Variants in TNFSF11 observed in about 807,000 individuals in gnomAD.
TNFSF11 encodes TNF superfamily member 11, also known as tumor necrosis factor ligand superfamily member 11.
TNFSF11 carries 12 observed loss-of-function variants against 32.2 expected under a neutral mutation model. The observed-to-expected ratio is 0.37, with a 90% CI of 0.24 to 0.60. The LOEUF is 0.60. Among genes scored for constraint, TNFSF11 ranks in the 20% least tolerant of loss-of-function variants. The probability of loss-of-function intolerance (pLI) is 0.66; values close to 1 mark genes in which losing one functional copy is unlikely to be tolerated. For missense variants in TNFSF11, 345 were observed against 398.0 expected (o/e 0.87, Z 1.13); for synonymous variants, 172 against 152.1 (o/e 1.13, Z -0.96).
At chr13:42,573,309 G>A (rs962030090), upstream of TNFSF11, among the ~76,000 whole-genome samples, 1 of 152,156 alleles carries the variant, frequency 6.6e-6, no homozygotes, top group African/African-American at 2.4e-5. Context: ...ACTTCCTTCT[G>A]AAGAAGTATC....
upstream of TNFSF11, among the ~76,000 whole-genome samples, chr13:42,569,708 A>T (rs1359410482): frequency 6.6e-6 from 1 of 152,176 alleles, no homozygotes; most frequent in Non-Finnish European, 1.5e-5. Context: ...CTTCTAGAAG[A>T]TGGATCCTCT....
intron 2 of TNFSF11, among the ~76,000 whole-genome samples, chr13:42,593,254 A>C (rs988645151): frequency 6.6e-6 from 1 of 152,218 alleles, no homozygotes; most frequent in Non-Finnish European, 1.5e-5. Context: ...ATGAAGACGA[A>C]TTGCATATTT....
chr13:42,566,972 A>G (rs1156480686), intron 2 of TNFSF11, among the ~76,000 whole-genome samples: 2 of 150,298 alleles, frequency 1.3e-5, no homozygotes, highest in Non-Finnish European at 2.9e-5. Flanking sequence ...AGCCTTGGTG[A>G]CAGAGAAGGA....
Position 42,574,440 on chromosome 13 carries a change from G to A in TNFSF11, c.137G>A (p.Arg46His). Residue 46 changes from arginine (R) to histidine (H), a missense_variant, in exon 1 of 5, where the codon CGC becomes CAC. Arg to His is a conservative substitution (Grantham distance 29). Around this residue, in one of 2 missense-constraint regions of TNFSF11, gnomAD observed 197 missense variants for 182.0 expected, o/e 1.08. Coordinates refer to ENST00000398795, the MANE Select transcript of TNFSF11 (RefSeq NM_003701.4). ...PAPHQPPAAS[R>H]SMFVALLGLG... ...CCGCACCAGCCCCCTGCCGCCTCCC[G>A]CTCCATGTTCGTGGCCCTCCTGGGG... 6.2e-7 allele frequency: 1 copy of A among 1,606,126 alleles called. No individual in the cohort carries two copies. Among genetic ancestry groups the A allele is most frequent in the Non-Finnish European group, 8.5e-7 (1 of 1,178,996 alleles).
intron 2 of TNFSF11, among the ~76,000 whole-genome samples, chr13:42,596,854 G>A (rs569399680): frequency 6.6e-6 from 1 of 152,286 alleles, no homozygotes; most frequent in South Asian, 2.1e-4. Context: ...TATCATCTGG[G>A]AGCATCTTTA....
intron 2 of TNFSF11, among the ~76,000 whole-genome samples, chr13:42,594,598 T>G (rs1311415471): frequency 1.3e-5 from 2 of 152,256 alleles, no homozygotes; most frequent in African/African-American, 4.8e-5. Flanking sequence ...TTGAAAATAC[T>G]CCTAAGTGTT....
Position 42,574,521 on chromosome 13 carries a change from A to T in TNFSF11, c.218A>T (p.Gln73Leu). 6.2e-7 allele frequency: 1 copy of T among 1,607,136 alleles called. No homozygotes were observed. Among genetic ancestry groups the T allele is most frequent in the Non-Finnish European group, 8.5e-7 (1 of 1,179,698 alleles). The change falls in exon 1 of 5, where the codon CAG becomes CTG. Residue 73 changes from glutamine to leucine, a missense_variant and splice_region_variant. Coordinates refer to ENST00000398795, the MANE Select transcript of TNFSF11 (RefSeq NM_003701.4). The part of the protein sequence containing the change: ...SVALFFYFRA[Q>L]MDPNRISEDG... ...GCCCTGTTCTTCTATTTCAGAGCGC[A>T]GGTGAGTGGCCACCTTCCCAGGGGA...
intron 1 of TNFSF11, among the ~76,000 whole-genome samples, chr13:42,578,559 T>G (rs1315680880): frequency 6.6e-6 from 1 of 152,274 alleles, no homozygotes; most frequent in East Asian, 1.9e-4. Flanking sequence ...AATTATTCCA[T>G]GCATTCTTGA....
At chr13:42,572,053 G>T (rs1873088219), upstream of TNFSF11, among the ~76,000 whole-genome samples, 1 of 152,154 alleles carries the variant, frequency 6.6e-6, no homozygotes, top group Non-Finnish European at 1.5e-5. Flanking sequence ...TAAATACATA[G>T]GCAAGAAAGA....
intron 2 of TNFSF11, among the ~76,000 whole-genome samples, chr13:42,586,956 G>A (rs1266123879): frequency 1.3e-5 from 2 of 152,170 alleles, no homozygotes; most frequent in African/African-American, 4.8e-5. Context: ...CCAAAGATTT[G>A]TAGCACTTTG....
chr13:42,606,796 G>A lies in TNFSF11; in HGVS notation c.832G>A (p.Gly278Ser). Reference protein sequence around the residue: ...SEFHFYSINVGGFFKLRSGEE... With the variant: ...SEFHFYSINVSGFFKLRSGEE... ...ATTCCATTTTTATTCCATAAACGTT[G>A]GTGGATTTTTTAAGTTACGGTCTGG... Residue 278 changes from glycine to serine, a missense_variant, in exon 5 of 5, where the codon GGT (glycine) becomes AGT (serine). Gly to Ser is a moderately conservative substitution (Grantham distance 56). Transcript: ENST00000398795. 6.2e-7 allele frequency: 1 copy of A among 1,613,476 alleles called. No individual in the cohort carries two copies. Among genetic ancestry groups the A allele is most frequent in the East Asian group, 2.2e-5 (1 of 44,884 alleles).
intron 1 of TNFSF11, among the ~76,000 whole-genome samples, chr13:42,580,355 T>C (rs1057187445): frequency 7.2e-5 from 11 of 152,228 alleles, no homozygotes; most frequent in Non-Finnish European, 1.3e-4. Context: ...ATGGGTATAT[T>C]TTGGGTGGGA....
chr13:42,604,239 A>C (rs569083480), intron 4 of TNFSF11, among the ~76,000 whole-genome samples: 11 of 152,194 alleles, frequency 7.2e-5, no homozygotes, highest in Non-Finnish European at 1.6e-4. Flanking sequence ...AAACATCTTG[A>C]ATTTCATGGA....
intron 1 of TNFSF11, among the ~76,000 whole-genome samples, chr13:42,564,168 C>T (rs1872786320): frequency 6.6e-6 from 1 of 152,074 alleles, no homozygotes; most frequent in South Asian, 2.1e-4. Flanking sequence ...TATCCACATG[C>T]TTATTTTTAA....
rs71202227 is a variant in TNFSF11 at position 42,583,444 on chromosome 13, G to GAAAAAAAAAAAAAAAAAAA, written c.387+2153_387+2154insAAAAAAAAAAAAAAAAAAA. On this transcript the variant is annotated intron_variant, in intron 2 of 4. Coordinates refer to ENST00000398795, the MANE Select transcript of TNFSF11 (RefSeq NM_003701.4). Reference sequence around the variant, plus strand: ...AAAAAAAAAAAAAAAAAAAAGAAAGGAAGAAAGGAAGGAAGGAAAAAGATT... The same window carrying GAAAAAAAAAAAAAAAAAAA: ...AAAAAAAAAAAAAAAAAAAAGAAAGGAAAAAAAAAAAAAAAAAAAAAGAAAGGAAGGAAGGAAAAAGATT... Among the ~76,000 whole-genome samples, 126 of 95,602 alleles carry GAAAAAAAAAAAAAAAAAAA rather than the reference G, an allele frequency of 1.3e-3. 6 individuals carry two copies. Among genetic ancestry groups the GAAAAAAAAAAAAAAAAAAA allele is most frequent in the African/African-American group, 5.3e-3 (113 of 21,516 alleles). 62.7% of individuals were successfully genotyped at this position (95,602 alleles called of 152,430 possible).
At chr13:42,577,079 A>T (rs1358020697) in intron 1 of TNFSF11, among the ~76,000 whole-genome samples, 2 of 152,200 alleles carry the variant, frequency 1.3e-5, no homozygotes, top group Non-Finnish European at 2.9e-5. Flanking sequence ...AAAGTTGTGA[A>T]TCAACTATCT....
rs1160123187 is a variant in TNFSF11, at chr13:42,574,396, C to G, written c.93C>G (p.His31Gln). 1 of 1,553,284 alleles carries G rather than the reference C, an allele frequency of 6.4e-7. No individual in the cohort carries two copies. The highest frequency in any genetic ancestry group is 8.7e-7 in the Non-Finnish European group (1 of 1,151,160). Reference protein sequence around the residue: ...GPGAPHEGPLHAPPPPAPHQP... With the variant: ...GPGAPHEGPLQAPPPPAPHQP... Reference sequence around the variant, plus strand: ...GAGCCCCGCACGAGGGCCCCCTGCACGCCCCGCCGCCGCCTGCGCCGCACC... The same window carrying G: ...GAGCCCCGCACGAGGGCCCCCTGCAGGCCCCGCCGCCGCCTGCGCCGCACC... The change falls in exon 1 of 5, where the codon CAC becomes CAG. Residue 31 changes from histidine (H) to glutamine (Q), a missense_variant. Physicochemically the swap from His to Gln is conservative, Grantham distance 24. Transcript: ENST00000398795.
Position 42,581,232 on chromosome 13 carries a change from C to G in TNFSF11, c.326C>G (p.Thr109Arg). 6.2e-7 allele frequency: 1 copy of G among 1,613,972 alleles called. No individual in the cohort carries two copies. The highest frequency in any genetic ancestry group is 8.5e-7 in the Non-Finnish European group (1 of 1,179,940). ...FQDTTLESQD[T>R]KLIPDSCRRI... ...GACACAACTCTGGAGAGTCAAGATA[C>G]AAAATTAATACCTGATTCATGTAGG... The change falls in exon 2 of 5, where the codon ACA becomes AGA. Residue 109 changes from threonine (T) to arginine (R), a missense_variant. Thr to Arg is a moderately conservative substitution (Grantham distance 71). This residue lies in a region of TNFSF11 where 197 missense variants were observed against 182.0 expected (regional missense o/e 1.08). Transcript: ENST00000398795.
At chr13:42,584,060 A>G (rs1042174992) in intron 2 of TNFSF11, among the ~76,000 whole-genome samples, 1 of 152,216 alleles carries the variant, frequency 6.6e-6, no homozygotes, top group East Asian at 1.9e-4. Flanking sequence ...AAAAATAAAC[A>G]TAACAAGAAA....
Sources: allele counts gnomAD v4.1 joint callset (sites outside exome capture counted in the v4.1 genomes callset), GRCh38; gene constraint gnomAD v4.1.1; regional missense constraint gnomAD v4.1.1; transcripts MANE v1.5; gene names NCBI Gene and HGNC (gene_info 2026-07-23, HGNC 2026-07-21).